The following MYO5C variants were observed in gnomAD, a reference collection of about 807,000 sequenced individuals.
MYO5C encodes the protein myosin VC.
MYO5C carries 194 observed loss-of-function variants against 235.7 expected under a neutral mutation model. The observed-to-expected ratio is 0.82, with a 90% confidence interval of 0.73 to 0.93. The LOEUF is 0.93. Among genes scored for constraint, MYO5C ranks in the 40% least tolerant of loss-of-function variants. MYO5C has a pLI of 0.00. For synonymous variants in MYO5C, 707 were observed against 754.8 expected, an observed-to-expected ratio of 0.94 and a Z score of 1.04; for missense variants, 2,038 against 2,127.2, an observed-to-expected ratio of 0.96 and a Z score of 0.82.
intron 11 of MYO5C, among the ~76,000 whole-genome samples, 161 bp from the exon 12 acceptor site, chr15:52,253,618 A>G (rs1337235585): frequency 4.6e-5 from 7 of 152,244 alleles, no homozygotes; most frequent in Non-Finnish European, 8.8e-5. Flanking sequence ...CGTGATCAAT[A>G]CCGCCGAGTT....
At chr15:52,217,159 T>C (rs576212294) in intron 32 of MYO5C, among the ~76,000 whole-genome samples, 1 of 152,350 alleles carries the variant, frequency 6.6e-6, no homozygotes, top group South Asian at 2.1e-4. Context: ...GGCTAATGTA[T>C]AGAGATGATA....
chr15:52,276,366 C>T (rs2037051290), intron 4 of MYO5C, among the ~76,000 whole-genome samples: 1 of 152,184 alleles, frequency 6.6e-6, no homozygotes, highest in Non-Finnish European at 1.5e-5. Context: ...CCAGTCGGGT[C>T]ACACAGGACA....
chr15:52,209,633 C>T (rs79420691), intron 35 of MYO5C, among the ~76,000 whole-genome samples: 6,245 of 152,222 alleles, frequency 0.041, 167 homozygotes, highest in Non-Finnish European at 0.059. Flanking sequence ...GAATATTTGG[C>T]GAAACATTCC....
At chr15:52,209,324 G>A (rs2035391897) in intron 35 of MYO5C, among the ~76,000 whole-genome samples, 1 of 152,196 alleles carries the variant, frequency 6.6e-6, no homozygotes, top group African/African-American at 2.4e-5. Context: ...TTAGTAAGAG[G>A]AGTTACTGGT....
At chr15:52,208,532 C>A in intron 36 of MYO5C, 22 bp downstream of exon 36, 1 of 1,611,186 alleles carries the variant, frequency 6.2e-7, no homozygotes, top group Non-Finnish European at 8.5e-7. Context: ...CACAAAACAA[C>A]AAGCAGGTGG....
intron 35 of MYO5C, 149 bp downstream of exon 35, chr15:52,211,581 G>C: frequency 1.2e-6 from 1 of 857,386 alleles, no homozygotes; most frequent in Admixed American, 2.3e-5. Flanking sequence ...TTCCCTAACA[G>C]TGTGGCTCCC....
chr15:52,270,342 G>C (rs929088282), intron 7 of MYO5C, among the ~76,000 whole-genome samples: 1 of 152,156 alleles, frequency 6.6e-6, no homozygotes, highest in Non-Finnish European at 1.5e-5. Context: ...ACTCAGGAAA[G>C]TGAAGTGACT....
At position 52,295,639 on chromosome 15, in the gene MYO5C, G is replaced by C. The variant is rs1354961046; in HGVS notation, c.-3C>G. ...GTGTACAGCTCGGCCACCGCCATGGGCAGGAGGGGCCGGGGCCAGGCCGGG... is the reference window on the plus strand; with the variant it reads ...GTGTACAGCTCGGCCACCGCCATGGCCAGGAGGGGCCGGGGCCAGGCCGGG... On this transcript the variant is annotated 5_prime_UTR_variant, in exon 1 of 41. Coordinates refer to ENST00000261839, the MANE Select transcript of MYO5C (RefSeq NM_018728.4). 1.4e-6 allele frequency: 2 copies of C among 1,472,722 alleles called. No homozygotes were observed. The highest frequency in any genetic ancestry group is 1.8e-6 in the Non-Finnish European group (2 of 1,115,242). The allele number at this position is 1,472,722 out of a possible 1,614,324, so 91.2% of individuals were successfully genotyped here. A position where few individuals can be genotyped will look rare whatever the true frequency, so the allele number is the denominator to read the frequency against.
In MYO5C at chr15:52,245,944, C is replaced by A. The variant is rs200811851; in HGVS notation, c.2066+12G>T. The A allele has an allele frequency of 3.7e-6, 6 of 1,611,534 alleles. No individual in the cohort carries two copies. In the East Asian group the frequency reaches 1.3e-4, roughly 36 times the overall value. On this transcript the variant is annotated intron_variant, in intron 17 of 40. Coordinates refer to ENST00000261839, the MANE Select transcript of MYO5C (RefSeq NM_018728.4). ...GGTACTTTTCCCTCCAAGACAAGGACGGACAACATACCTGGAAGGGTAGCT... is the reference window on the plus strand; with the variant it reads ...GGTACTTTTCCCTCCAAGACAAGGAAGGACAACATACCTGGAAGGGTAGCT...
Position 52,251,481 on chromosome 15 carries a change from T to C in MYO5C, c.1571A>G (p.Lys524Arg), listed in dbSNP as rs781207766. Residue 524 changes from lysine (K) to arginine (R), a missense_variant, in exon 13 of 41, where the codon AAG becomes AGG. By Grantham distance (26) the Lys-to-Arg change is conservative (BLOSUM62 2). Transcript: ENST00000261839. ...CCTGTTGACAAAATTATTATACAGC[T>C]TTTGAAGCCAGTTTTCATCAGTTCC... Reference protein sequence around the residue: ...PHGTDENWLQKLYNNFVNRNP... With the variant: ...PHGTDENWLQRLYNNFVNRNP... The C allele has an allele frequency of 4.4e-6, 7 of 1,606,674 alleles. No individual in the cohort carries two copies. The highest frequency in any genetic ancestry group is 6.0e-6 in the Non-Finnish European group (7 of 1,176,040).
At position 52,246,928 on chromosome 15, in the gene MYO5C, C is replaced by T. The variant is rs530642331; in HGVS notation, c.1968G>A (p.Lys656=). ...ATAAGAACACTTACTCAAAGGGTAA[C>T]TTCTCATCATTTGGCTTGATGCATC... ...YVRCIKPNDE[K]LPFEFDSKRI... The change falls in exon 16 of 41, where the codon AAG becomes AAA. Residue 656 remains lysine, a synonymous_variant. Coordinates refer to ENST00000261839, the MANE Select transcript of MYO5C (RefSeq NM_018728.4). 23 of 1,613,852 alleles carry T rather than the reference C, an allele frequency of 1.4e-5. No individual in the cohort carries two copies. The highest frequency in any genetic ancestry group is 1.9e-5 in the Non-Finnish European group (23 of 1,179,868).
In MYO5C at chr15:52,295,785, C is replaced by T. The variant is rs1454774927; in HGVS notation, c.-149G>A. ...CAAAGTTTTCCAACGGCCTCCTGTT[C>T]CCGTTCCCGAGTTGGCGGCGAGGGG... On this transcript the variant is annotated 5_prime_UTR_variant, in exon 1 of 41. Transcript: ENST00000261839. 7 of 498,510 alleles carry T rather than the reference C, an allele frequency of 1.4e-5. No homozygotes were observed. The highest frequency in any genetic ancestry group is 2.3e-5 in the Non-Finnish European group (7 of 302,066). The allele number at this position is 498,510 out of a possible 1,614,324, so 30.9% of individuals were successfully genotyped here.
chr15:52,219,683 C>T, intron 31 of MYO5C, 76 bp downstream of exon 31: 7 of 1,173,438 alleles, frequency 6.0e-6, no homozygotes, highest in Non-Finnish European at 8.8e-6. Flanking sequence ...ATTAGTAACA[C>T]ATCTTGGTAT....
At chr15:52,199,837 C>T (rs1395465065) in intron 38 of MYO5C, among the ~76,000 whole-genome samples, 1 of 152,108 alleles carries the variant, frequency 6.6e-6, no homozygotes, top group Non-Finnish European at 1.5e-5. Context: ...CACCATTTGG[C>T]CCCAGATAGA....
intron 38 of MYO5C, among the ~76,000 whole-genome samples, chr15:52,199,702 C>T (rs537625611): frequency 6.6e-6 from 1 of 152,130 alleles, no homozygotes; most frequent in African/African-American, 2.4e-5. Context: ...CTCTCATGCT[C>T]AAGTTCCAAT....
At chr15:52,224,776 G>A in intron 28 of MYO5C, 125 bp downstream of exon 28, 2 of 724,876 alleles carry the variant, frequency 2.8e-6, no homozygotes, top group Non-Finnish European at 4.6e-6. Flanking sequence ...TATTTCTAGT[G>A]GTTATTCAGT....
intron 32 of MYO5C, among the ~76,000 whole-genome samples, chr15:52,217,369 A>C (rs2141281114): frequency 6.6e-6 from 1 of 152,342 alleles, no homozygotes; most frequent in Admixed American, 6.5e-5. Flanking sequence ...CGAACTCATA[A>C]ATCCGTCACA....
At position 52,205,084 on chromosome 15, in the gene MYO5C, C is replaced by T. The variant is rs1254270854; in HGVS notation, c.4601G>A (p.Arg1534Gln). ...GISGLKPTGF[R>Q]KRSSSIDDTD... The stretch of plus-strand genomic sequence containing the variant: ...GTCGTCTATGCTAGAGGAGCGCTTC[C>T]GGAAGCCTGTGGGCTTCAGGCCGGA... Residue 1534 changes from arginine to glutamine, a missense_variant, in exon 38 of 41, where the codon CGG (arginine) becomes CAG (glutamine). Arg to Gln is a conservative substitution (Grantham distance 43, BLOSUM62 1). Coordinates refer to ENST00000261839, the MANE Select transcript of MYO5C (RefSeq NM_018728.4). 3.7e-6 allele frequency: 6 copies of T among 1,614,110 alleles called. No individual in the cohort carries two copies. Among genetic ancestry groups the T allele is most frequent in the Admixed American group, 3.3e-5 (2 of 60,010 alleles).
rs1332640657 is a variant in MYO5C at position 52,194,073 on chromosome 15, G to A, written c.5077-19C>T. Reference sequence around the variant, plus strand: ...GGAGAGCCTGAAATTAGAATCAGAGGAAAAATGAGTAAGGAAACTAACATG... The same window carrying A: ...GGAGAGCCTGAAATTAGAATCAGAGAAAAAATGAGTAAGGAAACTAACATG... On this transcript the variant is annotated intron_variant, in intron 40 of 40. Transcript: ENST00000261839. 4 of 1,600,774 alleles carry A rather than the reference G, an allele frequency of 2.5e-6. No homozygotes were observed. Among genetic ancestry groups the A allele is most frequent in the Admixed American group, 1.8e-5 (1 of 56,510 alleles).
Sources: allele counts gnomAD v4.1 joint callset (sites outside exome capture counted in the v4.1 genomes callset), GRCh38; gene constraint gnomAD v4.1.1; transcripts MANE v1.5; gene names NCBI Gene and HGNC (gene_info 2026-07-23, HGNC 2026-07-21).